SMTN: variants seen among roughly 807,000 people sequenced by gnomAD.
SMTN encodes the protein smoothelin.
Under a neutral mutation model 102.0 loss-of-function variants are expected in SMTN, and 58 were observed. The ratio of observed to expected loss-of-function variants is 0.57; its 90% CI spans 0.46 to 0.71. The LOEUF (loss-of-function observed/expected upper bound fraction) is 0.71, where lower values mean the gene tolerates loss of function less well. Among genes scored for constraint, SMTN ranks in the 30% least tolerant of loss-of-function variants. The probability of loss-of-function intolerance (pLI) is 0.00; values close to 1 mark genes in which losing one functional copy is unlikely to be tolerated. For synonymous variants in SMTN, 478 were observed against 497.9 expected (o/e 0.96, Z 0.53); for missense variants, 1,185 against 1,241.7 (o/e 0.95, Z 0.69).
At chr22:31,104,129 C>T (rs1358387181) in intron 20 of SMTN, 187 bp from the exon 21 acceptor site, 6 of 637,986 alleles carry the variant, frequency 9.4e-6, no homozygotes, top group Admixed American at 2.9e-5. Context: ...CTCCCCCGCC[C>T]CGAGAGATGC....
Position 31,101,271 on chromosome 22 carries a change from C to T in SMTN, c.*20+222C>T, listed in dbSNP as rs138937951. The T allele has an allele frequency of 9.7e-6, 5 of 513,324 alleles. 1 individual carries two copies. In the East Asian group the frequency reaches 1.5e-4, roughly 16 times the overall value. The allele number at this position is 513,324 out of a possible 1,614,324, so 31.8% of individuals were successfully genotyped here. Reference sequence around the variant, plus strand: ...GGGCAGCACTGTGATGGGGGAAGCCCAGGGGAGATGCCTGACCCAGGCTGC... The same window carrying T: ...GGGCAGCACTGTGATGGGGGAAGCCTAGGGGAGATGCCTGACCCAGGCTGC... On this transcript the variant is annotated intron_variant, in intron 20 of 20. Coordinates refer to ENST00000333137, the MANE Select transcript of SMTN (RefSeq NM_134269.3).
chr22:31,075,510 G>A (rs767318485), intron 1 of SMTN, among the ~76,000 whole-genome samples: 47 of 152,052 alleles, frequency 3.1e-4, no homozygotes, highest in South Asian at 1.9e-3. Context: ...TCAAAACCCC[G>A]TCTCTACTGA....
intron 1 of SMTN, chr22:31,068,442 G>C (rs1287186024): frequency 6.6e-6 from 1 of 152,038 alleles, no homozygotes; most frequent in African/African-American, 2.4e-5. Flanking sequence ...TTCCAAGAAA[G>C]ACCTGAGGCT....
At chr22:31,102,128 C>T (rs1463728936) in intron 20 of SMTN, 3 of 152,184 alleles carry the variant, frequency 2.0e-5, no homozygotes, top group African/African-American at 7.2e-5. Flanking sequence ...GGATCCTAAG[C>T]CAGCTGTGGC....
chr22:31,073,262 CGCACGCAT>C (rs1170992839), intron 1 of SMTN, among the ~76,000 whole-genome samples: 6 of 152,088 alleles, frequency 3.9e-5, no homozygotes, highest in Admixed American at 1.3e-4. Flanking sequence ...TACACACGCA[CGCACGCAT>C]GCACGCATGC....
In SMTN at chr22:31,099,140, G is replaced by T; in HGVS notation, c.2412G>T (p.Met804Ile). 6.2e-7 allele frequency: 1 copy of T among 1,613,374 alleles called. No individual in the cohort carries two copies. Among genetic ancestry groups the T allele is most frequent in the Non-Finnish European group, 8.5e-7 (1 of 1,179,972 alleles). ...GVPNANSIKQ[M>I]LLDWCRAKTR... is the part of the protein sequence containing the mutation. ...CCAACGCCAACAGCATCAAGCAGATGCTGCTGGACTGGTGTCGAGCCAAGA... is the reference window on the plus strand; with the variant it reads ...CCAACGCCAACAGCATCAAGCAGATTCTGCTGGACTGGTGTCGAGCCAAGA... The change falls in exon 18 of 21, where the codon ATG becomes ATT. Residue 804 changes from methionine to isoleucine, a missense_variant. This residue lies in a region of SMTN where 1,096 missense variants were observed against 1,112.7 expected (regional missense o/e 0.98). Transcript: ENST00000333137.
intron 3 of SMTN, 55 bp from the exon 4 acceptor site, chr22:31,088,458 C>T: frequency 1.3e-6 from 2 of 1,511,110 alleles, no homozygotes; most frequent in Non-Finnish European, 9.1e-7. Context: ...CCTTAGCCCA[C>T]ATCCTCCACG....
upstream of SMTN, among the ~76,000 whole-genome samples, chr22:31,080,198 G>A (rs746022440): frequency 2.0e-5 from 3 of 152,078 alleles, no homozygotes; most frequent in Non-Finnish European, 4.4e-5. Context: ...GTGTCACAGA[G>A]GACCTGAACC....
In SMTN at chr22:31,089,899, G is replaced by C; in HGVS notation, c.672G>C (p.Gln224His). 1 of 1,613,124 alleles carries C rather than the reference G, an allele frequency of 6.2e-7. No individual in the cohort carries two copies. The highest frequency in any genetic ancestry group is 8.5e-7 in the Non-Finnish European group (1 of 1,179,654). Residue 224 changes from glutamine (Q) to histidine (H), a missense_variant, in exon 7 of 21, where the codon CAG (glutamine) becomes CAC (histidine). Gln to His is a conservative substitution (Grantham distance 24). This residue lies in a region of SMTN where 1,096 missense variants were observed against 1,112.7 expected (regional missense o/e 0.98). Coordinates refer to ENST00000333137, the MANE Select transcript of SMTN (RefSeq NM_134269.3). ...PEPPLEPAEA[Q>H]CLTAEVPGSP... ...CTCCATTGGAGCCTGCCGAGGCCCA[G>C]TGCCTTACAGCTGAGGTTCCAGGCA... is the stretch of plus-strand genomic sequence containing the variant.
chr22:31,065,821 G>C (rs1183424173), intron 1 of SMTN: 4 of 143,492 alleles, frequency 2.8e-5, no homozygotes, highest in Admixed American at 2.1e-4. Flanking sequence ...CTGGGCTTTA[G>C]GATCCTTATC....
rs761445446 is a variant in SMTN, at chr22:31,101,069, C to T, written c.*20+20C>T. 1 of 1,571,198 alleles carries T rather than the reference C, an allele frequency of 6.4e-7. No individual in the cohort carries two copies. Among genetic ancestry groups the T allele is most frequent in the East Asian group, 2.3e-5 (1 of 42,828 alleles). On this transcript the variant is annotated intron_variant, in intron 20 of 20. Coordinates refer to ENST00000333137, the MANE Select transcript of SMTN (RefSeq NM_134269.3). ...CCCACGGTGAGAAACGCCGCCTCTACCACCTGCCCCGTTTCACCAGAATCT... is the reference window on the plus strand; with the variant it reads ...CCCACGGTGAGAAACGCCGCCTCTATCACCTGCCCCGTTTCACCAGAATCT...
chr22:31,076,499 C>T (rs561008126), upstream of SMTN, among the ~76,000 whole-genome samples: 1 of 152,336 alleles, frequency 6.6e-6, no homozygotes, highest in East Asian at 1.9e-4. Flanking sequence ...AGTTTCTTTG[C>T]CCATAAAAGG....
Position 31,095,608 on chromosome 22 carries a change from A to T in SMTN, c.1860A>T (p.Arg620Ser). ...TTCGTGAGCTCCGACAAAGGAAGAG[A>T]GGTAGAGAGCCAGTTGCCCTACCCT... ...AALRELRQRK[R>S]DQRDKERERR... Residue 620 changes from arginine (R) to serine (S), a missense_variant and splice_region_variant, in exon 13 of 21, where the codon AGA (arginine) becomes AGT (serine). Around this residue, in one of 2 missense-constraint regions of SMTN, gnomAD observed 1,096 missense variants for 1,112.7 expected, o/e 0.98. Coordinates refer to ENST00000333137, the MANE Select transcript of SMTN (RefSeq NM_134269.3). This position sits in a 1 kb window ranked among gnomAD's most constrained non-coding sequence, Gnocchi z 4.1. 6.2e-7 allele frequency: 1 copy of T among 1,612,076 alleles called. No homozygotes were observed. Among genetic ancestry groups the T allele is most frequent in the Non-Finnish European group, 8.5e-7 (1 of 1,179,172 alleles).
chr22:31,104,551 C>G lies in SMTN; in HGVS notation c.*256C>G, dbSNP rs890313015. The G allele has an allele frequency of 7.2e-7, 1 of 1,387,476 alleles. No homozygotes were observed. Among genetic ancestry groups the G allele is most frequent in the Non-Finnish European group, 1.0e-6 (1 of 994,662 alleles). The allele number at this position is 1,387,476 out of a possible 1,614,324, so 85.9% of individuals were successfully genotyped here. ...CTCCTGCCTGTGCGTCCGCCCACCG[C>G]TGCCCTGTCTGTTGCGACACCCTCC... is the stretch of plus-strand genomic sequence containing the variant. On this transcript the variant is annotated 3_prime_UTR_variant, in exon 21 of 21. Coordinates refer to ENST00000333137, the MANE Select transcript of SMTN (RefSeq NM_134269.3).
chr22:31,092,362 G>A, intron 11 of SMTN: 1 of 447,084 alleles, frequency 2.2e-6, no homozygotes, highest in South Asian at 1.6e-5. Context: ...GAAGCTCTGA[G>A]GGGGGACAGA....
intron 2 of SMTN, 103 bp downstream of exon 2, chr22:31,083,412 A>G: frequency 1.5e-6 from 2 of 1,355,530 alleles, no homozygotes; most frequent in South Asian, 3.0e-5. Flanking sequence ...GATGGGGGAA[A>G]GGTCAGGAGG....
upstream of SMTN, among the ~76,000 whole-genome samples, chr22:31,077,944 C>T (rs1358865417): frequency 3.3e-5 from 5 of 152,220 alleles, no homozygotes; most frequent in Admixed American, 1.3e-4. Flanking sequence ...GGTCATACCC[C>T]TTGGATCCAG....
upstream of SMTN, among the ~76,000 whole-genome samples, chr22:31,077,358 C>T (rs5997867): frequency 0.23 from 34,882 of 150,748 alleles, 4,484 homozygotes; most frequent in East Asian, 0.42. Flanking sequence ...CCAGCCTGGG[C>T]GACAGAGTGA....
intron 2 of SMTN, chr22:31,083,536 G>A: frequency 2.0e-6 from 1 of 510,936 alleles, no homozygotes; most frequent in South Asian, 2.5e-5. Context: ...ACCCTCCACA[G>A]CCACCACCTG....
Sources: gnomAD v4.1 joint callset for allele counts (sites outside exome capture counted in the v4.1 genomes callset) on GRCh38, gnomAD v4.1.1 for gene constraint, gnomAD v4.1.1 regional missense constraint, Gnocchi (gnomAD v3.1) non-coding constraint, MANE v1.5 for transcripts, NCBI Gene and HGNC (gene_info 2026-07-23, HGNC 2026-07-21) for gene names.